The following TMEM201 variants were observed in gnomAD, a reference collection of about 807,000 sequenced individuals.
TMEM201 encodes the protein RP13-15M17.2.
Under a neutral mutation model 63.4 loss-of-function variants are expected in TMEM201, and 26 were observed. The ratio of observed to expected loss-of-function variants is 0.41; its 90% confidence interval spans 0.30 to 0.57. The LOEUF (loss-of-function observed/expected upper bound fraction) is 0.57, where lower values mean the gene tolerates loss of function less well. Among genes scored for constraint, TMEM201 ranks in the 20% least tolerant of loss-of-function variants. The probability of loss-of-function intolerance (pLI) is 0.29; values close to 1 mark genes in which losing one functional copy is unlikely to be tolerated. For synonymous variants in TMEM201, 417 were observed against 421.6 expected (o/e 0.99, Z 0.14); for missense variants, 794 against 917.7 (o/e 0.87, Z 1.74).
chr1:9,602,375 C>T, intron 6 of TMEM201, 103 bp downstream of exon 6: 1 of 1,506,884 alleles, frequency 6.6e-7, no homozygotes, highest in Non-Finnish European at 8.9e-7. Flanking sequence ...CTCTTTTCAC[C>T]TGCTCACGCC....
chr1:9,591,525 C>T (rs988836316), intron 1 of TMEM201, among the ~76,000 whole-genome samples: 25 of 152,224 alleles, frequency 1.6e-4, no homozygotes, highest in African/African-American at 5.8e-4. Context: ...GCCTCCCTGT[C>T]CCCTGGACGC....
At chr1:9,594,790 G>A (rs573932079) in intron 1 of TMEM201, among the ~76,000 whole-genome samples, 4 of 152,346 alleles carry the variant, frequency 2.6e-5, no homozygotes, top group Admixed American at 2.0e-4. Flanking sequence ...TGCAGAAGCC[G>A]GGGGTGCTGT....
At position 9,613,755 on chromosome 1, in the gene TMEM201, C is replaced by T. The variant is rs1427441884; in HGVS notation, c.*672C>T. ...CTGCTTTGTGACCTCTGTTGACCTT[C>T]CTGGAAGCAGCCCCATTACCCTGAG... On this transcript the variant is annotated 3_prime_UTR_variant, in exon 11 of 11. Coordinates refer to ENST00000340381, the MANE Select transcript of TMEM201 (RefSeq NM_001130924.3). 6.6e-6 allele frequency: 1 copy of T among 152,426 alleles called. No homozygotes were observed. Among genetic ancestry groups the T allele is most frequent in the Non-Finnish European group, 1.5e-5 (1 of 68,254 alleles). The allele number at this position is 152,426 out of a possible 1,614,324, so 9.4% of individuals were successfully genotyped here. A position where few individuals can be genotyped will look rare whatever the true frequency, so the allele number is the denominator to read the frequency against.
At chr1:9,589,884 A>G (rs1039453415) in intron 1 of TMEM201, among the ~76,000 whole-genome samples, 3 of 152,162 alleles carry the variant, frequency 2.0e-5, no homozygotes, top group African/African-American at 7.2e-5. Flanking sequence ...AAGGGATGCA[A>G]TGAGCTCACA....
At chr1:9,589,357 C>T (rs935469425) in intron 1 of TMEM201, among the ~76,000 whole-genome samples, 5 of 152,160 alleles carry the variant, frequency 3.3e-5, no homozygotes, top group Admixed American at 3.3e-4. Flanking sequence ...CCCTCAGCCC[C>T]GTGCTGGGCC....
At chr1:9,609,305 GCT>G (rs1644288750) in intron 7 of TMEM201, among the ~76,000 whole-genome samples, 1 of 152,248 alleles carries the variant, frequency 6.6e-6, no homozygotes, top group Non-Finnish European at 1.5e-5. Flanking sequence ...CCCACATTCA[GCT>G]CTCAGCCAGC....
At chr1:9,600,628 G>T (rs547760324) in intron 4 of TMEM201, among the ~76,000 whole-genome samples, 1 of 152,268 alleles carries the variant, frequency 6.6e-6, no homozygotes, top group Non-Finnish European at 1.5e-5. Flanking sequence ...AAAGGAAGGG[G>T]CTCAACTTGG....
In TMEM201 at chr1:9,603,261, C is replaced by T. The variant is rs954541506; in HGVS notation, c.1160+989C>T. 4 of 984,928 alleles carry T rather than the reference C, an allele frequency of 4.1e-6. No homozygotes were observed. Among genetic ancestry groups the T allele is most frequent in the African/African-American group, 1.7e-5 (1 of 57,224 alleles). The allele number at this position is 984,928 out of a possible 1,614,324, so 61.0% of individuals were successfully genotyped here. A position where few individuals can be genotyped will look rare whatever the true frequency, so the allele number is the denominator to read the frequency against. ...CTGGCCAGGCCCCTGCTGTTCTCAG[C>T]CTCAGTTTGCCATCTATGAAATGAG... On this transcript the variant is annotated intron_variant, in intron 6 of 10. Transcript: ENST00000340381. The surrounding 1 kb of genome is among the most constrained non-coding windows in gnomAD (Gnocchi z 4.5).
intron 1 of TMEM201, 103 bp downstream of exon 1, chr1:9,589,146 C>A: frequency 2.3e-6 from 1 of 434,586 alleles, no homozygotes. Context: ...CCCGGGCTGC[C>A]CGCGGGCGCG....
rs768675079 is a variant in TMEM201 at position 9,601,432 on chromosome 1, A to G, written c.934A>G (p.Met312Val). Residue 312 changes from methionine (M) to valine (V), a missense_variant, in exon 5 of 11, where the codon ATG becomes GTG. Met to Val is a conservative substitution (Grantham distance 21, BLOSUM62 1). Coordinates refer to ENST00000340381, the MANE Select transcript of TMEM201 (RefSeq NM_001130924.3). ...GGGCCTACTCACCTGCCTGCTGGCAATGCTGCTGGCTGGCCGCATCAGGTG... is the reference window on the plus strand; with the variant it reads ...GGGCCTACTCACCTGCCTGCTGGCAGTGCTGCTGGCTGGCCGCATCAGGTG... ...ALGLLTCLLAMLLAGRIRLRR... is the reference protein window; with the variant it reads ...ALGLLTCLLAVLLAGRIRLRR... The G allele has an allele frequency of 3.1e-6, 5 of 1,591,116 alleles. No homozygotes were observed. The highest frequency in any genetic ancestry group is 1.7e-4 in the Middle Eastern group (1 of 5,992).
At position 9,613,294 on chromosome 1, in the gene TMEM201, A is replaced by C; in HGVS notation, c.*211A>C. 1.7e-6 allele frequency: 1 copy of C among 584,942 alleles called. No individual in the cohort carries two copies. The highest frequency in any genetic ancestry group is 3.0e-6 in the Non-Finnish European group (1 of 327,936). The allele number at this position is 584,942 out of a possible 1,614,324, so 36.2% of individuals were successfully genotyped here. A position where few individuals can be genotyped will look rare whatever the true frequency, so the allele number is the denominator to read the frequency against. On this transcript the variant is annotated 3_prime_UTR_variant, in exon 11 of 11. Transcript: ENST00000340381. Reference sequence around the variant, plus strand: ...GTGTCTGAGGTCACACTCTCTGCCCACTCACCTCCTTGGCTGACATCGGTT... The same window carrying C: ...GTGTCTGAGGTCACACTCTCTGCCCCCTCACCTCCTTGGCTGACATCGGTT...
chr1:9,604,747 C>A lies in TMEM201; in HGVS notation c.1160+2475C>A. 1 of 986,040 alleles carries A rather than the reference C, an allele frequency of 1.0e-6. No individual in the cohort carries two copies. The highest frequency in any genetic ancestry group is 1.2e-6 in the Non-Finnish European group (1 of 830,050). The allele number at this position is 986,040 out of a possible 1,614,324, so 61.1% of individuals were successfully genotyped here. On this transcript the variant is annotated intron_variant, in intron 6 of 10. Transcript: ENST00000340381. This position sits in a 1 kb window ranked among gnomAD's most constrained non-coding sequence, Gnocchi z 4.1. ...GCAAACCGCCAGGACGCAGCCTCCA[C>A]GCCGCACCTGCCACATTCAGCCCTG...
chr1:9,612,917 G>A, intron 10 of TMEM201, 69 bp from the exon 11 acceptor site: 1 of 1,372,572 alleles, frequency 7.3e-7, no homozygotes, highest in East Asian at 2.5e-5. Context: ...GCATGCTCTA[G>A]GGGGCTGCTC....
rs981200487 is a variant in TMEM201 at position 9,610,601 on chromosome 1, C to T, written c.1561C>T (p.Leu521=). The T allele has an allele frequency of 1.6e-5, 25 of 1,550,432 alleles. No homozygotes were observed. Among genetic ancestry groups the T allele is most frequent in the Middle Eastern group, 1.7e-4 (1 of 6,014 alleles). The change falls in exon 9 of 11, where the codon CTG becomes TTG. Residue 521 remains leucine, a synonymous_variant. Transcript: ENST00000340381. The surrounding 1 kb of genome is among the most constrained non-coding windows in gnomAD (Gnocchi z 4.9). ...AGSVASSSGS[L]RHRRPLISPA... ...CTCGGTGGCCTCCAGCTCCGGCTCT[C>T]TGCGCCACCGCAGGCCCCTCATCAG...
chr1:9,597,157 C>T, intron 3 of TMEM201, 104 bp downstream of exon 3: 1 of 1,340,100 alleles, frequency 7.5e-7, no homozygotes, highest in Non-Finnish European at 1.0e-6. Flanking sequence ...CCTCTGGCCC[C>T]TGCTCTGCTA....
At position 9,601,167 on chromosome 1, in the gene TMEM201, G is replaced by A; in HGVS notation, c.669G>A (p.Leu223=). Residue 223 remains leucine, a synonymous_variant, in exon 5 of 11, where the codon CTG becomes CTA. Transcript: ENST00000340381. ...TCCTGCTCCGTGCCCTCGCCTTCCT[G>A]GCCTGCGCCTTCCTACTGACCACCG... ...QVILLRALAF[L]ACAFLLTTAL... is the part of the protein sequence containing the mutation. 6.2e-7 allele frequency: 1 copy of A among 1,610,614 alleles called. No homozygotes were observed. The highest frequency in any genetic ancestry group is 2.2e-5 in the East Asian group (1 of 44,772).
intron 1 of TMEM201, among the ~76,000 whole-genome samples, chr1:9,595,290 C>T (rs1643996522): frequency 1.3e-5 from 2 of 152,200 alleles, no homozygotes; most frequent in Admixed American, 6.5e-5. Context: ...TCCTCTCCAC[C>T]AGAGAGGGTT....
At position 9,604,489 on chromosome 1, in the gene TMEM201, CA is replaced by C; in HGVS notation, c.1160+2218del. The C allele has an allele frequency of 1.0e-6, 1 of 985,450 alleles. No individual in the cohort carries two copies. The highest frequency in any genetic ancestry group is 1.2e-6 in the Non-Finnish European group (1 of 829,936). 61.0% of individuals were successfully genotyped at this position (985,450 alleles called of 1,614,324 possible). A position where few individuals can be genotyped will look rare whatever the true frequency, so the allele number is the denominator to read the frequency against. On this transcript the variant is annotated intron_variant, in intron 6 of 10. Transcript: ENST00000340381. The surrounding 1 kb of genome is among the most constrained non-coding windows in gnomAD (Gnocchi z 4.1). ...TGTTGTGGCAACAGCTGAGAGAGTG[CA>C]GGCACCACTGTGTTGTGGCTTGTTG...
In TMEM201 at chr1:9,610,196, G is replaced by C. The variant is rs1644302494; in HGVS notation, c.1465+285G>C. Among the ~76,000 whole-genome samples, 1 of 152,210 alleles carries C rather than the reference G, an allele frequency of 6.6e-6. No homozygotes were observed. Among genetic ancestry groups the C allele is most frequent in the African/African-American group, 2.4e-5 (1 of 41,438 alleles). ...CAGCTGGCAGCAAGGCCTCGGGTGA[G>C]CTGGCCTTGTACCTCCAGGGTTTGC... On this transcript the variant is annotated intron_variant, in intron 8 of 10. Transcript: ENST00000340381. The surrounding 1 kb of genome is among the most constrained non-coding windows in gnomAD (Gnocchi z 4.9).
Sources: allele counts gnomAD v4.1 joint callset (sites outside exome capture counted in the v4.1 genomes callset), GRCh38; gene constraint gnomAD v4.1.1; non-coding constraint Gnocchi (gnomAD v3.1); transcripts MANE v1.5; gene names NCBI Gene and HGNC (gene_info 2026-07-23, HGNC 2026-07-21).